The following LRBA variants were observed in gnomAD, a reference collection of about 807,000 sequenced individuals.
LRBA encodes the protein LPS responsive beige-like anchor protein.
In LRBA, 176 loss-of-function variants were observed where a neutral mutation model predicts 330.0. The ratio of observed to expected loss-of-function variants is 0.53; its 90% CI spans 0.47 to 0.60. The LOEUF (loss-of-function observed/expected upper bound fraction) is 0.60, where lower values mean the gene tolerates loss of function less well. Among genes scored for constraint, LRBA ranks in the 20% least tolerant of loss-of-function variants. The probability of loss-of-function intolerance (pLI) is 0.00; values close to 1 mark genes in which losing one functional copy is unlikely to be tolerated. For missense variants in LRBA, 3,259 were observed against 3,444.8 expected, an observed-to-expected ratio of 0.95 and a Z score of 1.35; for synonymous variants, 1,230 against 1,193.0, an observed-to-expected ratio of 1.03 and a Z score of -0.64.
intron 40 of LRBA, 34 bp from the exon 41 acceptor site, chr4:150,491,069 C>A: frequency 9.6e-7 from 1 of 1,039,846 alleles, no homozygotes; most frequent in Admixed American, 2.1e-5. Flanking sequence ...AGGTAAGTAA[C>A]AATACTTGTT....
At chr4:150,636,323 T>C (rs1020369362) in intron 37 of LRBA, among the ~76,000 whole-genome samples, 1 of 152,152 alleles carries the variant, frequency 6.6e-6, no homozygotes, top group African/African-American at 2.4e-5. Flanking sequence ...ATTCAACGGA[T>C]TATAATTTAT....
intron 40 of LRBA, among the ~76,000 whole-genome samples, chr4:150,527,260 C>A (rs1468072671): frequency 6.6e-6 from 1 of 152,078 alleles, no homozygotes; most frequent in South Asian, 2.1e-4. Flanking sequence ...ATTTAAACAT[C>A]GAATCCGAGA....
At chr4:150,781,252 G>C (rs1191784465) in intron 34 of LRBA, among the ~76,000 whole-genome samples, 3 of 152,200 alleles carry the variant, frequency 2.0e-5, no homozygotes, top group African/African-American at 7.2e-5. Context: ...TGTAGAATCA[G>C]TGGGAGCACT....
chr4:150,705,231 T>G (rs571304850), intron 36 of LRBA, among the ~76,000 whole-genome samples: 22 of 152,116 alleles, frequency 1.4e-4, no homozygotes, highest in Non-Finnish European at 3.1e-4. Context: ...TTTGCTTTTA[T>G]TAATAAAGCT....
At chr4:150,685,414 ATATATATTTTTTTTTTTTTTTT>A (rs1293070763) in intron 36 of LRBA, among the ~76,000 whole-genome samples, 3 of 19,400 alleles carry the variant, frequency 1.5e-4, no homozygotes, top group Admixed American at 7.3e-4. Context: ...ATATATATAT[ATATATATTTTTTTTTTTTTTTT>A]TTTTTTTTTT....
At chr4:150,985,110 T>A (rs1187960152) in intron 2 of LRBA, among the ~76,000 whole-genome samples, 1 of 151,918 alleles carries the variant, frequency 6.6e-6, no homozygotes, top group Admixed American at 6.6e-5. Context: ...ATACAAAAAA[T>A]TAACCAGGCA....
intron 34 of LRBA, among the ~76,000 whole-genome samples, chr4:150,769,248 C>A (rs1018084333): frequency 6.6e-6 from 1 of 151,872 alleles, no homozygotes; most frequent in Non-Finnish European, 1.5e-5. Context: ...CCCGGCCTAT[C>A]AACTGCTATT....
intron 48 of LRBA, among the ~76,000 whole-genome samples, chr4:150,346,757 C>CCAAA (rs1206950764): frequency 6.0e-5 from 4 of 66,136 alleles, no homozygotes; most frequent in African/African-American, 3.1e-4. Flanking sequence ...GACTCTGTCT[C>CCAAA]AAAAAAAAAA....
At chr4:150,908,243 C>G in intron 11 of LRBA, 91 bp downstream of exon 11, 5 of 1,307,578 alleles carry the variant, frequency 3.8e-6, no homozygotes, top group Non-Finnish European at 5.3e-6. Context: ...TATTTTGACA[C>G]AACAAAACCT....
intron 37 of LRBA, among the ~76,000 whole-genome samples, chr4:150,671,922 T>C (rs148657979): frequency 1.9e-4 from 29 of 152,274 alleles, no homozygotes; most frequent in African/African-American, 6.3e-4. Flanking sequence ...CAAGGCAATA[T>C]GAAGGAACTG....
intron 40 of LRBA, among the ~76,000 whole-genome samples, chr4:150,550,742 T>A (rs1183207989): frequency 1.3e-5 from 2 of 152,212 alleles, no homozygotes; most frequent in African/African-American, 2.4e-5. Flanking sequence ...TCATAATAAA[T>A]CACTGTTTTT....
chr4:150,454,229 G>A (rs936764102), intron 44 of LRBA, among the ~76,000 whole-genome samples: 1 of 152,066 alleles, frequency 6.6e-6, no homozygotes, highest in Non-Finnish European at 1.5e-5. Context: ...AAAGTGCTGG[G>A]ATTACAGGCG....
intron 38 of LRBA, among the ~76,000 whole-genome samples, chr4:150,598,287 A>G (rs1456208501): frequency 6.6e-6 from 1 of 152,156 alleles, no homozygotes; most frequent in African/African-American, 2.4e-5. Context: ...GACTTTCAAA[A>G]ATCATAAAAT....
intron 34 of LRBA, among the ~76,000 whole-genome samples, chr4:150,774,465 T>C (rs1737000017): frequency 6.6e-6 from 1 of 152,230 alleles, no homozygotes; most frequent in Non-Finnish European, 1.5e-5. Flanking sequence ...TACTTTGTTG[T>C]GGAATGTTTA....
At chr4:150,623,757 G>C (rs554839453) in intron 37 of LRBA, among the ~76,000 whole-genome samples, 5 of 151,678 alleles carry the variant, frequency 3.3e-5, no homozygotes, top group Admixed American at 2.6e-4. Flanking sequence ...AATTTGAATC[G>C]TGAACTGAGA....
chr4:150,626,307 A>G lies in LRBA; in HGVS notation c.5922-27176T>C, dbSNP rs1776857449. On this transcript the variant is annotated intron_variant, in intron 37 of 56. Coordinates refer to ENST00000651943, the MANE Select transcript of LRBA (RefSeq NM_001364905.1). ...AAAAAGTGCTTCAAATAAAAGTTAA[A>G]CCTCATAACATATATACTAAAATTT... 2.0e-5 allele frequency among the ~76,000 whole-genome samples: 3 copies of G among 152,146 alleles called. No individual in the cohort carries two copies. The South Asian group carries it at 6.2e-4, about 31-fold the overall frequency.
chr4:150,454,675 G>A (rs1297141330), intron 44 of LRBA, among the ~76,000 whole-genome samples: 1 of 152,006 alleles, frequency 6.6e-6, no homozygotes, highest in Non-Finnish European at 1.5e-5. Flanking sequence ...TGGGCTTTTA[G>A]TATACTTGTC....
chr4:150,328,406 T>TA (rs1733566109), intron 48 of LRBA, among the ~76,000 whole-genome samples: 1 of 152,274 alleles, frequency 6.6e-6, no homozygotes, highest in Non-Finnish European at 1.5e-5. Flanking sequence ...CTTTTTTTTT[T>TA]ATCTTTCTCT....
intron 47 of LRBA, among the ~76,000 whole-genome samples, chr4:150,355,179 T>TA (rs1737674218): frequency 6.6e-6 from 1 of 151,914 alleles, no homozygotes; most frequent in South Asian, 2.1e-4. Context: ...TAAAAGGCAT[T>TA]AACTATGTAT....
Sources: gnomAD v4.1 joint callset for allele counts (sites outside exome capture counted in the v4.1 genomes callset) on GRCh38, gnomAD v4.1.1 for gene constraint, MANE v1.5 for transcripts, NCBI Gene and HGNC (gene_info 2026-07-23, HGNC 2026-07-21) for gene names.